The following IGSF10 variants were observed in gnomAD, a reference collection of about 807,000 sequenced individuals.
IGSF10 encodes calvaria mechanical force protein 608.
IGSF10 carries 126 observed loss-of-function variants against 128.2 expected under a neutral mutation model. The ratio of observed to expected loss-of-function variants is 0.98; its 90% CI spans 0.85 to 1.14. IGSF10 has a LOEUF of 1.14. Among genes scored for constraint, IGSF10 ranks in the 50% most tolerant of loss-of-function variants. The probability of loss-of-function intolerance (pLI) is 0.00; values close to 1 mark genes in which losing one functional copy is unlikely to be tolerated. For missense variants in IGSF10, 3,295 were observed against 3,149.8 expected, an observed-to-expected ratio of 1.05 and a Z score of -1.10; for synonymous variants, 1,185 against 1,146.2, an observed-to-expected ratio of 1.03 and a Z score of -0.68.
At chr3:151,540,535 A>G in the IGSF10 span, among the ~76,000 whole-genome samples, 1 of 152,134 alleles carries the variant, frequency 6.6e-6, no homozygotes, top group Non-Finnish European at 1.5e-5. Flanking sequence ...TATCCATTCT[A>G]CTTTTGATAG....
At chr3:151,577,443 T>C in the IGSF10 span, among the ~76,000 whole-genome samples, 1 of 152,204 alleles carries the variant, frequency 6.6e-6, no homozygotes. Flanking sequence ...TTACATGAGC[T>C]TTATGTTGTG....
At chr3:151,453,292 TA>T in intron 5 of IGSF10, 91 bp downstream of exon 5, 1 of 984,488 alleles carries the variant, frequency 1.0e-6, no homozygotes. Flanking sequence ...TTTTCTCTCC[TA>T]AATTACCCTG....
chr3:151,486,824 G>T, the IGSF10 span, among the ~76,000 whole-genome samples: 59 of 152,252 alleles, frequency 3.9e-4, no homozygotes, highest in Middle Eastern at 6.8e-3. Context: ...CTCTGGGACA[G>T]ATTTAAAGCA....
the IGSF10 span, among the ~76,000 whole-genome samples, chr3:151,497,073 T>A: frequency 6.6e-6 from 1 of 152,228 alleles, no homozygotes; most frequent in Non-Finnish European, 1.5e-5. Context: ...TTCTGGATAT[T>A]AGCCCTTTGT....
At chr3:151,566,534 C>T in the IGSF10 span, among the ~76,000 whole-genome samples, 11 of 152,084 alleles carry the variant, frequency 7.2e-5, no homozygotes, top group East Asian at 5.8e-4. Context: ...ATAGAATAGT[C>T]GCTATCAGGA....
At chr3:151,517,806 A>C in the IGSF10 span, among the ~76,000 whole-genome samples, 1 of 151,928 alleles carries the variant, frequency 6.6e-6, no homozygotes, top group Admixed American at 6.6e-5. Flanking sequence ...TCAAACTAAG[A>C]CTTTAAGGAA....
the IGSF10 span, chr3:151,499,635 G>A: frequency 1.3e-5 from 2 of 152,126 alleles, no homozygotes; most frequent in African/African-American, 4.8e-5. Flanking sequence ...TAAAGAAGCA[G>A]TGTGGCTCCA....
the IGSF10 span, among the ~76,000 whole-genome samples, chr3:151,482,411 G>C: frequency 6.6e-6 from 1 of 152,026 alleles, no homozygotes; most frequent in Non-Finnish European, 1.5e-5. Context: ...AGAATTAAAT[G>C]AATAAAATAA....
chr3:151,449,464 T>C (rs995870057), intron 5 of IGSF10, among the ~76,000 whole-genome samples, 199 bp from the exon 6 acceptor site: 15 of 152,242 alleles, frequency 9.9e-5, no homozygotes, highest in African/African-American at 2.7e-4. Flanking sequence ...ATAATATGCA[T>C]AGACATAGGA....
At chr3:151,477,788 C>T in the IGSF10 span, among the ~76,000 whole-genome samples, 1 of 152,152 alleles carries the variant, frequency 6.6e-6, no homozygotes, top group African/African-American at 2.4e-5. Context: ...CTGCAAAGGA[C>T]CAGATAGTGA....
At chr3:151,602,274 TA>T in the IGSF10 span, among the ~76,000 whole-genome samples, 1 of 152,340 alleles carries the variant, frequency 6.6e-6, no homozygotes, top group East Asian at 1.9e-4. Context: ...TTTATGCATT[TA>T]AAAATATATA....
chr3:151,498,581 T>C, the IGSF10 span, among the ~76,000 whole-genome samples: 234 of 152,236 alleles, frequency 1.5e-3, 2 homozygotes, highest in Admixed American at 0.011. Flanking sequence ...TCTCAATAGA[T>C]GCAGAAAAGG....
rs746812318 is a variant in IGSF10 at position 151,443,057 on chromosome 3, A to G, written c.5890T>C (p.Ser1964Pro). The change falls in exon 7 of 8, where the codon TCA (serine) becomes CCA (proline). Residue 1964 changes from serine (S) to proline (P), a missense_variant. Transcript: ENST00000282466. The part of the protein sequence containing the change: ...NFGDKLLLNC[S>P]ATGEPKPQIM... ...TGGGGTTTGGGCTCCCCAGTGGCTG[A>G]GCAGTTCAGTAGTAATTTGTCCCCA... The G allele has an allele frequency of 4.3e-6, 7 of 1,614,208 alleles. No individual in the cohort carries two copies. Among genetic ancestry groups the G allele is most frequent in the East Asian group, 2.2e-5 (1 of 44,878 alleles).
At chr3:151,515,601 C>T in the IGSF10 span, among the ~76,000 whole-genome samples, 1 of 151,466 alleles carries the variant, frequency 6.6e-6, no homozygotes, top group South Asian at 2.1e-4. Flanking sequence ...TACATGTACC[C>T]TAAAACTTGA....
the IGSF10 span, among the ~76,000 whole-genome samples, chr3:151,512,330 A>G: frequency 6.6e-6 from 1 of 152,188 alleles, no homozygotes; most frequent in Non-Finnish European, 1.5e-5. Flanking sequence ...GCTCAACTAC[A>G]TGGAAACTGA....
the IGSF10 span, among the ~76,000 whole-genome samples, chr3:151,553,398 ATTCTT>A: frequency 6.6e-6 from 1 of 152,084 alleles, no homozygotes. Context: ...TTGGAAAACT[ATTCTT>A]TTGAGTCAGT....
the IGSF10 span, among the ~76,000 whole-genome samples, chr3:151,519,929 G>T: frequency 6.6e-6 from 1 of 151,780 alleles, no homozygotes; most frequent in Non-Finnish European, 1.5e-5. Context: ...GCATATTAAA[G>T]ATTTCATTTT....
upstream of IGSF10, among the ~76,000 whole-genome samples, chr3:151,463,235 T>A (rs527396588): frequency 6.6e-6 from 1 of 152,346 alleles, no homozygotes; most frequent in East Asian, 1.9e-4. Flanking sequence ...TCTTCCAGAA[T>A]TATTAGAAAC....
the IGSF10 span, among the ~76,000 whole-genome samples, chr3:151,613,987 A>C: frequency 1.3e-5 from 2 of 152,148 alleles, no homozygotes; most frequent in Admixed American, 1.3e-4. Context: ...AAGAAAAAAC[A>C]ACCCCATCAA....
Sources: allele counts gnomAD v4.1 joint callset (sites outside exome capture counted in the v4.1 genomes callset), GRCh38; gene constraint gnomAD v4.1.1; transcripts MANE v1.5; gene names NCBI Gene and HGNC (gene_info 2026-07-23, HGNC 2026-07-21).